SVBP: variants seen among roughly 807,000 people sequenced by gnomAD.
SVBP encodes small vasohibin-binding protein.
A neutral mutation model predicts 9.2 loss-of-function variants in SVBP; 9 were observed. The observed-to-expected ratio is 0.98, with a 90% CI of 0.59 to 1.71. SVBP has a LOEUF of 1.71. Among genes scored for constraint, SVBP ranks in the 40% most tolerant of loss-of-function variants. The pLI, the probability that SVBP is intolerant of heterozygous loss-of-function variation, is 0.00. For missense variants in SVBP, 63 were observed against 73.2 expected, an observed-to-expected ratio of 0.86 and a Z score of 0.51; for synonymous variants, 27 against 23.9, an observed-to-expected ratio of 1.13 and a Z score of -0.37.
chr1:42,812,989 C>T (rs1654112005), intron 2 of SVBP, among the ~76,000 whole-genome samples: 1 of 152,096 alleles, frequency 6.6e-6, no homozygotes, highest in African/African-American at 2.4e-5. Context: ...CAATTTTAAG[C>T]TGTTAAGCTT....
chr1:42,811,652 C>T (rs1044591573), intron 2 of SVBP, among the ~76,000 whole-genome samples: 31 of 152,158 alleles, frequency 2.0e-4, no homozygotes, highest in Admixed American at 1.6e-3. Context: ...GGGCTTTACA[C>T]GTGGTATTTC....
At chr1:42,810,101 C>T (rs1654046931) in intron 2 of SVBP, among the ~76,000 whole-genome samples, 1 of 141,142 alleles carries the variant, frequency 7.1e-6, no homozygotes. Flanking sequence ...TTTTAACACA[C>T]ACACACACAC....
chr1:42,807,302 C>A lies in SVBP; in HGVS notation c.*112G>T. On this transcript the variant is annotated 3_prime_UTR_variant, in exon 3 of 3. Coordinates refer to ENST00000372521, the MANE Select transcript of SVBP (RefSeq NM_199342.4). ...CACAGGAAGTGAGTTCAGATTTATC[C>A]ACAAATGTCTTCTGGTCTAGTTCTG... 1.4e-6 allele frequency: 1 copy of A among 690,428 alleles called. No homozygotes were observed. The highest frequency in any genetic ancestry group is 2.5e-6 in the Non-Finnish European group (1 of 392,996). 42.8% of individuals were successfully genotyped at this position (690,428 alleles called of 1,614,324 possible).
At chr1:42,808,467 A>G (rs971843051) in intron 2 of SVBP, among the ~76,000 whole-genome samples, 23 of 145,898 alleles carry the variant, frequency 1.6e-4, no homozygotes, top group African/African-American at 5.8e-4. Flanking sequence ...TATATATACT[A>G]ATAGTGTATA....
intron 2 of SVBP, among the ~76,000 whole-genome samples, chr1:42,808,168 T>C (rs1194207150): frequency 7.7e-6 from 1 of 130,396 alleles, no homozygotes; most frequent in Non-Finnish European, 1.6e-5. Flanking sequence ...TATATATATA[T>C]ATATATATAT....
intron 2 of SVBP, among the ~76,000 whole-genome samples, chr1:42,814,628 G>A (rs1360405173): frequency 1.3e-5 from 2 of 151,302 alleles, no homozygotes; most frequent in East Asian, 2.0e-4. Context: ...AAAAAAAAGA[G>A]ACTCACCATC....
chr1:42,808,621 A>C (rs1411711928), intron 2 of SVBP, among the ~76,000 whole-genome samples: 1 of 148,178 alleles, frequency 6.7e-6, no homozygotes, highest in African/African-American at 2.5e-5. Context: ...ATAACCTATA[A>C]TATAAGCCTA....
chr1:42,810,094 TAA>T (rs1654046016), intron 2 of SVBP, among the ~76,000 whole-genome samples: 3 of 97,086 alleles, frequency 3.1e-5, no homozygotes, highest in African/African-American at 7.7e-5. Context: ...AATATACTTT[TAA>T]CACACACACA....
chr1:42,808,856 C>T (rs1654022461), intron 2 of SVBP, among the ~76,000 whole-genome samples: 1 of 152,010 alleles, frequency 6.6e-6, no homozygotes, highest in African/African-American at 2.4e-5. Flanking sequence ...GCCACCAAAC[C>T]CGGCTAAGTT....
chr1:42,811,608 T>C (rs1654085833), intron 2 of SVBP, among the ~76,000 whole-genome samples: 3 of 152,224 alleles, frequency 2.0e-5, no homozygotes, highest in Admixed American at 2.0e-4. Flanking sequence ...CACTGCTAGT[T>C]ATCAAATGCT....
intron 1 of SVBP, 102 bp downstream of exon 1, chr1:42,817,069 CCCGACCCCGCCCCGGCCCG>C: frequency 2.7e-6 from 1 of 363,990 alleles, no homozygotes; most frequent in Non-Finnish European, 3.8e-6. Context: ...CGCCCGGCCC[CCCGACCCCGCCCCGGCCCG>C]CCCGGCCCCA....
At chr1:42,816,218 C>T (rs1000977241) in intron 2 of SVBP, 25 of 491,470 alleles carry the variant, frequency 5.1e-5, no homozygotes, top group Non-Finnish European at 3.6e-6. Flanking sequence ...AAGCTCCGCA[C>T]CAGACTGGGG....
Position 42,807,332 on chromosome 1 carries a change from G to C in SVBP, c.*82C>G. ...ATGTCTTCTGGTCTAGTTCTGTAAG[G>C]CTCCAAATGGGCCATCTCAGCTTAA... On this transcript the variant is annotated 3_prime_UTR_variant, in exon 3 of 3. Coordinates refer to ENST00000372521, the MANE Select transcript of SVBP (RefSeq NM_199342.4). 3.2e-6 allele frequency: 3 copies of C among 947,524 alleles called. No homozygotes were observed. The highest frequency in any genetic ancestry group is 5.2e-6 in the Non-Finnish European group (3 of 578,602). The allele number at this position is 947,524 out of a possible 1,614,324, so 58.7% of individuals were successfully genotyped here. A position where few individuals can be genotyped will look rare whatever the true frequency, so the allele number is the denominator to read the frequency against.
intron 2 of SVBP, 75 bp downstream of exon 2, chr1:42,816,356 C>G: frequency 9.1e-7 from 1 of 1,101,472 alleles, no homozygotes; most frequent in Admixed American, 1.9e-5. Context: ...TGTCAGTTCT[C>G]CTTTCTGCTG....
chr1:42,813,656 T>C (rs1654127660), intron 2 of SVBP: 5 of 530,026 alleles, frequency 9.4e-6, no homozygotes, highest in Admixed American at 3.9e-5. Flanking sequence ...TGGTTCTCCA[T>C]TTCCCAGAGC....
chr1:42,808,447 C>G (rs1485075044), intron 2 of SVBP, among the ~76,000 whole-genome samples: 2 of 142,134 alleles, frequency 1.4e-5, no homozygotes, highest in African/African-American at 2.6e-5. Flanking sequence ...GCTATATACA[C>G]TATATAGCTT....
intron 2 of SVBP, among the ~76,000 whole-genome samples, chr1:42,815,120 A>C (rs1010934497): frequency 1.3e-5 from 2 of 151,310 alleles, no homozygotes; most frequent in Admixed American, 6.6e-5. Context: ...TCGTAAGAAC[A>C]AAAAACCAAA....
intron 2 of SVBP, among the ~76,000 whole-genome samples, chr1:42,814,094 TTTTTTTG>T (rs1316578331): frequency 6.6e-6 from 1 of 150,938 alleles, no homozygotes; most frequent in African/African-American, 2.4e-5. Context: ...CTTTTTCTTT[TTTTTTTG>T]TTTTTGAGAC....
At chr1:42,811,256 C>T (rs919692465) in intron 2 of SVBP, among the ~76,000 whole-genome samples, 22 of 152,300 alleles carry the variant, frequency 1.4e-4, no homozygotes, top group African/African-American at 4.1e-4. Context: ...CAGGCCTGCC[C>T]CTCTTTAACT....
Sources: allele counts gnomAD v4.1 joint callset (sites outside exome capture counted in the v4.1 genomes callset), GRCh38; gene constraint gnomAD v4.1.1; transcripts MANE v1.5; gene names NCBI Gene and HGNC (gene_info 2026-07-23, HGNC 2026-07-21).